Variants in RNLS observed in about 807,000 individuals in gnomAD.
RNLS encodes the protein renalase.
Under a neutral mutation model 39.8 loss-of-function variants are expected in RNLS, and 39 were observed. The ratio of observed to expected loss-of-function variants is 0.98; its 90% CI spans 0.76 to 1.28. The LOEUF (loss-of-function observed/expected upper bound fraction) is 1.28. RNLS is among the 50% of genes most tolerant of loss of function. The pLI is 0.00. For synonymous variants in RNLS, 147 were observed against 150.7 expected (o/e 0.98, Z 0.18); for missense variants, 410 against 413.3 (o/e 0.99, Z 0.07).
chr10:88,399,933 GTTCCT>G (rs1202612682), intron 4 of RNLS, among the ~76,000 whole-genome samples: 5 of 151,960 alleles, frequency 3.3e-5, no homozygotes. Context: ...GGGAGAAGTT[GTTCCT>G]TGACTCTTCC....
At chr10:88,446,230 A>G (rs1028975840) in intron 4 of RNLS, among the ~76,000 whole-genome samples, 1 of 152,242 alleles carries the variant, frequency 6.6e-6, no homozygotes, top group African/African-American at 2.4e-5. Flanking sequence ...TACATAACAA[A>G]ATGAAGGCAG....
At chr10:88,214,498 C>CAAAAAA in the RNLS span, among the ~76,000 whole-genome samples, 2 of 135,136 alleles carry the variant, frequency 1.5e-5, no homozygotes, top group African/African-American at 2.7e-5. Flanking sequence ...GACTCCGTCT[C>CAAAAAA]AAAAAAAAAA....
chr10:88,511,194 C>T (rs1846105663), intron 4 of RNLS, among the ~76,000 whole-genome samples: 1 of 152,074 alleles, frequency 6.6e-6, no homozygotes, highest in Non-Finnish European at 1.5e-5. Flanking sequence ...TACAGCTGCA[C>T]TGAGAAACTC....
At chr10:88,276,318 T>A (rs1842813654) in intron 6 of RNLS, among the ~76,000 whole-genome samples, 1 of 152,158 alleles carries the variant, frequency 6.6e-6, no homozygotes, top group Non-Finnish European at 1.5e-5. Flanking sequence ...TTTTATGATT[T>A]CTTTTGTTAA....
rs116078937 is a variant in RNLS, at chr10:88,559,075, C to T, written c.526+13828G>A. Among the ~76,000 whole-genome samples the T allele has an allele frequency of 4.2e-3, 644 of 152,168 alleles. 3 individuals carry two copies. Among genetic ancestry groups the T allele is most frequent in the African/African-American group, 0.015 (611 of 41,536 alleles). ...CAAGGAAAAAATCAAGAATTAGAAA[C>T]GTCTTTTAGTAAAAGTATTTCGTTC... On this transcript the variant is annotated intron_variant, in intron 4 of 6. Transcript: ENST00000331772.
At chr10:88,461,485 T>TC (rs1842932721) in intron 4 of RNLS, among the ~76,000 whole-genome samples, 1 of 152,150 alleles carries the variant, frequency 6.6e-6, no homozygotes, top group Non-Finnish European at 1.5e-5. Flanking sequence ...AACGTTTCTA[T>TC]CCTTTGGGAA....
chr10:88,174,821 T>G, the RNLS span, among the ~76,000 whole-genome samples: 1 of 152,182 alleles, frequency 6.6e-6, no homozygotes, highest in African/African-American at 2.4e-5. Context: ...TGGAATAGTT[T>G]GCAAAGAATT....
intron 4 of RNLS, among the ~76,000 whole-genome samples, chr10:88,515,858 C>T (rs1402910344): frequency 6.6e-6 from 1 of 151,902 alleles, no homozygotes; most frequent in Non-Finnish European, 1.5e-5. Flanking sequence ...AGCCCTAACC[C>T]CTGGTGTCTC....
chr10:88,369,235 A>G (rs1850355813), intron 4 of RNLS, among the ~76,000 whole-genome samples: 1 of 152,132 alleles, frequency 6.6e-6, no homozygotes, highest in Non-Finnish European at 1.5e-5. Context: ...CTTTCTTTGA[A>G]TAGACAAGAA....
At chr10:88,558,712 TC>T (rs1849003638) in intron 4 of RNLS, among the ~76,000 whole-genome samples, 1 of 152,094 alleles carries the variant, frequency 6.6e-6, no homozygotes, top group Non-Finnish European at 1.5e-5. Context: ...TAGAACAGAC[TC>T]CCAATCTGCC....
chr10:88,377,065 T>C (rs1851061522), intron 4 of RNLS, among the ~76,000 whole-genome samples: 1 of 151,922 alleles, frequency 6.6e-6, no homozygotes, highest in South Asian at 2.1e-4. Context: ...GAAATAATAT[T>C]TGTATGGCTT....
chr10:88,446,731 T>C (rs551291896), intron 4 of RNLS, among the ~76,000 whole-genome samples: 2 of 152,280 alleles, frequency 1.3e-5, no homozygotes, highest in East Asian at 1.9e-4. Flanking sequence ...TTTAGACCAA[T>C]ATCCCTGATG....
At chr10:88,175,912 G>A in the RNLS span, among the ~76,000 whole-genome samples, 3 of 152,136 alleles carry the variant, frequency 2.0e-5, no homozygotes, top group Admixed American at 6.5e-5. Flanking sequence ...ATATATGAGT[G>A]TGCTCTGGTG....
At chr10:88,515,773 G>A (rs1363245083) in intron 4 of RNLS, among the ~76,000 whole-genome samples, 1 of 152,072 alleles carries the variant, frequency 6.6e-6, no homozygotes, top group African/African-American at 2.4e-5. Flanking sequence ...AAAAGCAAAG[G>A]ATGGAGAGAG....
chr10:88,391,262 A>G lies in RNLS; in HGVS notation c.527-28537T>C, dbSNP rs534173481. On this transcript the variant is annotated intron_variant, in intron 4 of 6. Transcript: ENST00000331772. Reference sequence around the variant, plus strand: ...ATTAGGCAATCATATTAGTAATTTTAAAATAATGTGTACTGGCCAGGAATA... The same window carrying G: ...ATTAGGCAATCATATTAGTAATTTTGAAATAATGTGTACTGGCCAGGAATA... Among the ~76,000 whole-genome samples the G allele has an allele frequency of 7.9e-4, 120 of 152,310 alleles. 1 individual carries two copies. In the South Asian group the frequency reaches 9.5e-3, roughly 12 times the overall value.
downstream of RNLS, among the ~76,000 whole-genome samples, chr10:88,280,866 T>C (rs191854716): frequency 3.0e-4 from 45 of 152,260 alleles, no homozygotes; most frequent in Admixed American, 2.8e-3. Flanking sequence ...CTGGTCTAAA[T>C]GGTTTCCAAA....
the RNLS span, among the ~76,000 whole-genome samples, chr10:88,190,847 A>G: frequency 6.6e-5 from 10 of 152,314 alleles, no homozygotes; most frequent in Admixed American, 1.3e-4. Flanking sequence ...TGATTCAGCC[A>G]TGTCTGCCAT....
chr10:88,442,079 T>A (rs1395079469), intron 4 of RNLS, among the ~76,000 whole-genome samples: 1 of 152,196 alleles, frequency 6.6e-6, no homozygotes, highest in African/African-American at 2.4e-5. Context: ...TTTGGAAAGA[T>A]TTAGAAGCCC....
Position 88,284,218 on chromosome 10 carries a change from G to C in RNLS, c.*1136C>G. 1.0e-6 allele frequency: 1 copy of C among 985,262 alleles called. No individual in the cohort carries two copies. The highest frequency in any genetic ancestry group is 1.1e-4 in the East Asian group (1 of 8,808). The allele number at this position is 985,262 out of a possible 1,614,324, so 61.0% of individuals were successfully genotyped here. A position where few individuals can be genotyped will look rare whatever the true frequency, so the allele number is the denominator to read the frequency against. ...GCAAGTTCTGCCTGTGCCTGTGTAT[G>C]TGTATGTATGACAGTGGACATGTAA... On this transcript the variant is annotated 3_prime_UTR_variant, in exon 7 of 7. Coordinates refer to ENST00000331772, the MANE Select transcript of RNLS (RefSeq NM_001031709.3).
Sources: gnomAD v4.1 joint callset for allele counts (sites outside exome capture counted in the v4.1 genomes callset) on GRCh38, gnomAD v4.1.1 for gene constraint, MANE v1.5 for transcripts, NCBI Gene and HGNC (gene_info 2026-07-23, HGNC 2026-07-21) for gene names.